The following GAREM1 variants were observed in gnomAD, a reference collection of about 807,000 sequenced individuals.
GAREM1 encodes the protein GRB2 associated regulator of MAPK1 subtype 1, also known as GRB2-associated and regulator of MAPK protein 1.
GAREM1 carries 26 observed loss-of-function variants against 71.3 expected under a neutral mutation model. The observed-to-expected ratio is 0.36, with a 90% confidence interval of 0.27 to 0.51. The LOEUF (loss-of-function observed/expected upper bound fraction) is 0.51, where lower values mean the gene tolerates loss of function less well. GAREM1 is among the 20% of genes least tolerant of loss of function. GAREM1 has a pLI of 0.95. For synonymous variants in GAREM1, 440 were observed against 433.2 expected (o/e 1.02, Z -0.20); for missense variants, 1,026 against 1,103.1 (o/e 0.93, Z 0.99).
At chr18:32,450,096 T>G (rs1403338209) in intron 1 of GAREM1, among the ~76,000 whole-genome samples, 1 of 152,238 alleles carries the variant, frequency 6.6e-6, no homozygotes, top group African/African-American at 2.4e-5. Flanking sequence ...ACAGTAAGGT[T>G]AAGTTAATAT....
At chr18:32,457,391 T>C (rs1264804804) in intron 1 of GAREM1, among the ~76,000 whole-genome samples, 1 of 152,068 alleles carries the variant, frequency 6.6e-6, no homozygotes, top group African/African-American at 2.4e-5. Flanking sequence ...GAATGAAGAC[T>C]ACAAATAGTA....
chr18:32,440,516 G>A (rs1358361452), intron 1 of GAREM1, among the ~76,000 whole-genome samples: 1 of 152,198 alleles, frequency 6.6e-6, no homozygotes, highest in Non-Finnish European at 1.5e-5. Flanking sequence ...TAAAGGTGAT[G>A]AAGTTAAGAA....
chr18:32,421,280 A>G (rs984619940), intron 1 of GAREM1, among the ~76,000 whole-genome samples: 3 of 152,172 alleles, frequency 2.0e-5, no homozygotes, highest in Admixed American at 6.6e-5. Flanking sequence ...GTACACAGTA[A>G]GCACTCAACA....
intron 1 of GAREM1, among the ~76,000 whole-genome samples, chr18:32,432,243 T>C (rs532111605): frequency 3.8e-4 from 58 of 152,250 alleles, no homozygotes; most frequent in African/African-American, 1.3e-3. Context: ...GGATTTTTAG[T>C]GTCTTATGGG....
rs114944478 is a variant in GAREM1 at position 32,310,467 on chromosome 18, G to A, written c.263-144C>T. 2.1e-3 allele frequency: 1,434 copies of A among 681,512 alleles called. 21 individuals carry two copies. The African/African-American group carries it at 0.023, about 11-fold the overall frequency. 42.2% of individuals were successfully genotyped at this position (681,512 alleles called of 1,614,324 possible). On this transcript the variant is annotated intron_variant, in intron 2 of 5. Coordinates refer to ENST00000269209, the MANE Select transcript of GAREM1 (RefSeq NM_001242409.2). ...ATTAATCTTTTTAAAAAGGCATTATGGGAGGTTCCATTAAACTAGAAGATA... is the reference window on the plus strand; with the variant it reads ...ATTAATCTTTTTAAAAAGGCATTATAGGAGGTTCCATTAAACTAGAAGATA...
At chr18:32,307,512 C>A (rs2047268173) in intron 3 of GAREM1, among the ~76,000 whole-genome samples, 1 of 152,150 alleles carries the variant, frequency 6.6e-6, no homozygotes, top group African/African-American at 2.4e-5. Flanking sequence ...CACACAGACA[C>A]AATAATCCAG....
chr18:32,400,064 C>A (rs2048297698), intron 1 of GAREM1, among the ~76,000 whole-genome samples: 2 of 152,104 alleles, frequency 1.3e-5, no homozygotes, highest in Non-Finnish European at 2.9e-5. Context: ...CAAAAACAAG[C>A]AATGGGGAAA....
At chr18:32,396,852 T>C (rs1436444057) in intron 1 of GAREM1, among the ~76,000 whole-genome samples, 1 of 151,980 alleles carries the variant, frequency 6.6e-6, no homozygotes, top group African/African-American at 2.4e-5. Flanking sequence ...GACACATAAC[T>C]GTCAGATTCA....
chr18:32,466,724 G>A (rs991106514), intron 1 of GAREM1, among the ~76,000 whole-genome samples: 1 of 152,126 alleles, frequency 6.6e-6, no homozygotes, highest in Admixed American at 6.5e-5. Context: ...TTGGTCCTAA[G>A]CACATTTGCT....
intron 1 of GAREM1, among the ~76,000 whole-genome samples, chr18:32,413,629 A>G (rs562295540): frequency 3.0e-4 from 45 of 152,310 alleles, no homozygotes; most frequent in African/African-American, 9.9e-4. Context: ...CAGATCATTA[A>G]GTTTTATAGA....
chr18:32,271,364 T>C (rs1460333702), intron 4 of GAREM1, among the ~76,000 whole-genome samples: 1 of 152,046 alleles, frequency 6.6e-6, no homozygotes, highest in Non-Finnish European at 1.5e-5. Flanking sequence ...GGCTAATTTT[T>C]GTATTTTTAG....
At chr18:32,373,299 T>A (rs528240216) in intron 2 of GAREM1, among the ~76,000 whole-genome samples, 1 of 152,284 alleles carries the variant, frequency 6.6e-6, no homozygotes, top group East Asian at 1.9e-4. Flanking sequence ...AAATAATACC[T>A]ACTTAGTAAA....
rs76288904 is a variant in GAREM1 at position 32,433,800 on chromosome 18, G to A, written c.121+36508C>T. ...TCTTTGAGAGAAATCAAAAGAAGAT[G>A]TAAAGAAATGAAGAAATAGCATGTT... On this transcript the variant is annotated intron_variant, in intron 1 of 5. Transcript: ENST00000269209. Among the ~76,000 whole-genome samples, 114 of 152,210 alleles carry A rather than the reference G, an allele frequency of 7.5e-4. 1 individual carries two copies. The East Asian group carries it at 0.018, about 24-fold the overall frequency.
intron 2 of GAREM1, among the ~76,000 whole-genome samples, chr18:32,363,474 T>C (rs550353135): frequency 3.3e-5 from 5 of 152,194 alleles, no homozygotes; most frequent in African/African-American, 9.6e-5. Context: ...AAAACTAAAA[T>C]AGATACAATT....
intron 1 of GAREM1, among the ~76,000 whole-genome samples, chr18:32,409,483 C>T (rs2048397648): frequency 6.6e-6 from 1 of 151,922 alleles, no homozygotes; most frequent in Non-Finnish European, 1.5e-5. Context: ...AGAAGAAAAT[C>T]GAGATTAATC....
chr18:32,433,500 C>G (rs997854311), intron 1 of GAREM1, among the ~76,000 whole-genome samples: 6 of 151,258 alleles, frequency 4.0e-5, no homozygotes, highest in African/African-American at 1.5e-4. Flanking sequence ...GAAAGGAAAT[C>G]TATATGTTAT....
At chr18:32,414,188 G>A (rs2048445979) in intron 1 of GAREM1, among the ~76,000 whole-genome samples, 1 of 152,004 alleles carries the variant, frequency 6.6e-6, no homozygotes, top group South Asian at 2.1e-4. Context: ...GGTTTTCACA[G>A]ACAATGACAA....
At chr18:32,450,969 A>T (rs1347221421) in intron 1 of GAREM1, among the ~76,000 whole-genome samples, 6 of 151,688 alleles carry the variant, frequency 4.0e-5, no homozygotes, top group Non-Finnish European at 8.8e-5. Flanking sequence ...CAACATAAGG[A>T]AACCTCATTT....
chr18:32,423,268 G>A (rs2048538392), intron 1 of GAREM1, among the ~76,000 whole-genome samples: 2 of 152,206 alleles, frequency 1.3e-5, no homozygotes, highest in East Asian at 1.9e-4. Context: ...AGGATTAAAT[G>A]AGAACATCAG....
Sources: allele counts gnomAD v4.1 joint callset (sites outside exome capture counted in the v4.1 genomes callset), GRCh38; gene constraint gnomAD v4.1.1; transcripts MANE v1.5; gene names NCBI Gene and HGNC (gene_info 2026-07-23, HGNC 2026-07-21).